The following ANK2 variants were observed in gnomAD, a reference collection of about 807,000 sequenced individuals.
ANK2 encodes ankyrin-2.
ANK2 carries 83 observed loss-of-function variants against 360.5 expected under a neutral mutation model. The ratio of observed to expected loss-of-function variants is 0.23; its 90% CI spans 0.19 to 0.28. The LOEUF is 0.28. Ranked by LOEUF, ANK2 falls within the 10% of genes least tolerant of loss-of-function variation. The pLI, the probability that ANK2 is intolerant of heterozygous loss-of-function variation, is 1.00. For synonymous variants in ANK2, 1,740 were observed against 1,759.5 expected, an observed-to-expected ratio of 0.99 and a Z score of 0.28; for missense variants, 4,201 against 4,795.7, an observed-to-expected ratio of 0.88 and a Z score of 3.66.
chr4:113,187,152 T>A (rs928572340), intron 2 of ANK2, among the ~76,000 whole-genome samples: 1 of 152,056 alleles, frequency 6.6e-6, no homozygotes, highest in African/African-American at 2.4e-5. Flanking sequence ...AATAAATCTC[T>A]GCACCTCAGT....
At chr4:113,191,592 C>T (rs2098665400) in intron 2 of ANK2, among the ~76,000 whole-genome samples, 2 of 152,134 alleles carry the variant, frequency 1.3e-5, no homozygotes, top group South Asian at 4.1e-4. Flanking sequence ...TCACATTTAG[C>T]CAAATCTTAG....
chr4:113,157,714 C>T (rs1481917283), intron 1 of ANK2, among the ~76,000 whole-genome samples: 1 of 152,086 alleles, frequency 6.6e-6, no homozygotes, highest in African/African-American at 2.4e-5. Flanking sequence ...AGCAGCCACT[C>T]CTATATGTCG....
At chr4:112,756,674 C>T in the ANK2 span, among the ~76,000 whole-genome samples, 1 of 152,166 alleles carries the variant, frequency 6.6e-6, no homozygotes, top group African/African-American at 2.4e-5. Context: ...TTGAGCTCGG[C>T]TGGAAAAATA....
chr4:113,356,805 G>A lies in ANK2; in HGVS notation c.8187G>A (p.Glu2729=). The change falls in exon 38 of 46, where the codon GAG becomes GAA. Residue 2729 remains glutamate, a synonymous_variant. Transcript: ENST00000357077. ...AGATGAATGAAGATACTCAGGAAGA[G>A]CCAGGCAAATCAGAAGAAGAAAAAG... The part of the protein sequence containing the change: ...TFKMNEDTQE[E]PGKSEEEKDS... 1 of 1,614,098 alleles carries A rather than the reference G, an allele frequency of 6.2e-7. No homozygotes were observed. Among genetic ancestry groups the A allele is most frequent in the Non-Finnish European group, 8.5e-7 (1 of 1,179,980 alleles).
chr4:113,358,498 A>C lies in ANK2; in HGVS notation c.9880A>C (p.Asn3294His), dbSNP rs763211298. ...CGAGATTCCTACTGCACCCATGGAG[A>C]ATGTGCCTTTTACTGAAAGCAAATC... Reference protein sequence around the residue: ...VIEIPTAPMENVPFTESKSKI... With the variant: ...VIEIPTAPMEHVPFTESKSKI... The change falls in exon 38 of 46, where the codon AAT becomes CAT. Residue 3294 changes from asparagine (N) to histidine (H), a missense_variant. Physicochemically the swap from Asn to His is moderately conservative, Grantham distance 68 (BLOSUM62 1). Around this residue, in one of 4 missense-constraint regions of ANK2, gnomAD observed 2,642 missense variants for 2,714.5 expected, o/e 0.97. Transcript: ENST00000357077. The C allele has an allele frequency of 1.4e-5, 23 of 1,613,970 alleles. No homozygotes were observed. In the Admixed American group the frequency reaches 3.8e-4, roughly 27 times the overall value.
At chr4:113,266,057 A>G (rs1370592262) in intron 14 of ANK2, among the ~76,000 whole-genome samples, 1 of 152,162 alleles carries the variant, frequency 6.6e-6, no homozygotes, top group Non-Finnish European at 1.5e-5. Flanking sequence ...TGCTGTACCC[A>G]TCAACCCGTC....
chr4:113,015,596 A>T (rs1028656592), intron 2 of ANK2, among the ~76,000 whole-genome samples: 4 of 152,164 alleles, frequency 2.6e-5, no homozygotes, highest in African/African-American at 4.8e-5. Flanking sequence ...AATAACGAAA[A>T]ATATATGGGT....
At chr4:113,102,221 A>G (rs1036642339) in intron 1 of ANK2, among the ~76,000 whole-genome samples, 3 of 152,066 alleles carry the variant, frequency 2.0e-5, no homozygotes, top group Non-Finnish European at 4.4e-5. Context: ...AAAAGTGTAC[A>G]TGGAAGATAT....
At chr4:113,011,932 C>A (rs1182865835) in intron 2 of ANK2, among the ~76,000 whole-genome samples, 1 of 151,890 alleles carries the variant, frequency 6.6e-6, no homozygotes, top group Non-Finnish European at 1.5e-5. Context: ...AAAAATAAGT[C>A]CTCTCGGAAG....
chr4:113,176,009 T>C lies in ANK2; in HGVS notation c.186+1492T>C, dbSNP rs1408048504. 2.6e-5 allele frequency among the ~76,000 whole-genome samples: 4 copies of C among 152,342 alleles called. No individual in the cohort carries two copies. The East Asian group carries it at 7.7e-4, about 29-fold the overall frequency. On this transcript the variant is annotated intron_variant, in intron 2 of 45. Transcript: ENST00000357077. Reference sequence around the variant, plus strand: ...TTTTTATCTGGGCTATTTCTCAGGGTGGTGCTCGCAGTGAGCAACCTTGAG... The same window carrying C: ...TTTTTATCTGGGCTATTTCTCAGGGCGGTGCTCGCAGTGAGCAACCTTGAG...
At chr4:112,991,467 G>A (rs1290757361) in intron 2 of ANK2, among the ~76,000 whole-genome samples, 2 of 152,032 alleles carry the variant, frequency 1.3e-5, no homozygotes, top group Non-Finnish European at 2.9e-5. Flanking sequence ...TGTCTTTGCT[G>A]GTATAATCCC....
Position 113,175,818 on chromosome 4 carries a change from G to A in ANK2, c.186+1301G>A, listed in dbSNP as rs140228413. 6.9e-3 allele frequency among the ~76,000 whole-genome samples: 1,046 copies of A among 152,266 alleles called. 11 individuals are homozygous for A. The highest frequency in any genetic ancestry group is 0.022 in the African/African-American group (934 of 41,552). Reference sequence around the variant, plus strand: ...TCTTCTTCAGAGTCACTGGCATAAAGAGCATTGTCACTGATGTCAATATTT... The same window carrying A: ...TCTTCTTCAGAGTCACTGGCATAAAAAGCATTGTCACTGATGTCAATATTT... On this transcript the variant is annotated intron_variant, in intron 2 of 45. Transcript: ENST00000357077.
intron 2 of ANK2, among the ~76,000 whole-genome samples, chr4:112,940,780 T>C (rs1010437881): frequency 6.6e-5 from 10 of 152,128 alleles, no homozygotes; most frequent in African/African-American, 2.4e-4. Flanking sequence ...AAATATAATT[T>C]TTAGTTGAGG....
At chr4:112,764,296 C>T in the ANK2 span, among the ~76,000 whole-genome samples, 1 of 151,954 alleles carries the variant, frequency 6.6e-6, no homozygotes, top group African/African-American at 2.4e-5. Flanking sequence ...TCCCATTGAT[C>T]TCTTTTCTAT....
chr4:112,873,568 G>A (rs1320461102), intron 1 of ANK2, among the ~76,000 whole-genome samples: 3 of 144,404 alleles, frequency 2.1e-5, no homozygotes, highest in Non-Finnish European at 3.0e-5. Flanking sequence ...ATGGAGTCCC[G>A]CTCTGTTGCC....
At chr4:113,287,778 C>G (rs2153730297) in intron 19 of ANK2, 75 bp downstream of exon 19, 1 of 1,258,596 alleles carries the variant, frequency 7.9e-7, no homozygotes, top group Middle Eastern at 1.9e-4. Flanking sequence ...TCGGGTCACC[C>G]CATGTCCAGG....
At chr4:112,994,886 C>G (rs532111735) in intron 2 of ANK2, among the ~76,000 whole-genome samples, 7 of 152,164 alleles carry the variant, frequency 4.6e-5, no homozygotes, top group Admixed American at 1.3e-4. Context: ...TTAATTTGCT[C>G]AGGATAATGG....
At chr4:112,964,714 C>T (rs780339838) in intron 2 of ANK2, among the ~76,000 whole-genome samples, 11 of 151,902 alleles carry the variant, frequency 7.2e-5, no homozygotes, top group East Asian at 1.9e-4. Context: ...GGACTACAGG[C>T]GCCCGCCACC....
the ANK2 span, among the ~76,000 whole-genome samples, chr4:112,809,712 T>A: frequency 6.7e-6 from 1 of 150,166 alleles, no homozygotes. Flanking sequence ...TGAAACCCCA[T>A]CTCTACTAAA....
Sources: allele counts gnomAD v4.1 joint callset (sites outside exome capture counted in the v4.1 genomes callset), GRCh38; gene constraint gnomAD v4.1.1; regional missense constraint gnomAD v4.1.1; transcripts MANE v1.5; gene names NCBI Gene and HGNC (gene_info 2026-07-23, HGNC 2026-07-21).